Variants in NT5DC1 observed in about 807,000 individuals in gnomAD.
NT5DC1 encodes 5'-nucleotidase domain containing 1.
A neutral mutation model predicts 59.4 loss-of-function variants in NT5DC1; 42 were observed. The ratio of observed to expected loss-of-function variants is 0.71; its 90% CI spans 0.55 to 0.92. The LOEUF is 0.92. NT5DC1 is among the 40% of genes least tolerant of loss of function. The probability of loss-of-function intolerance (pLI) is 0.00; values close to 1 mark genes in which losing one functional copy is unlikely to be tolerated. For missense variants in NT5DC1, 501 were observed against 537.1 expected, an observed-to-expected ratio of 0.93 and a Z score of 0.66; for synonymous variants, 172 against 188.1, an observed-to-expected ratio of 0.91 and a Z score of 0.70.
intron 6 of NT5DC1, among the ~76,000 whole-genome samples, chr6:116,150,178 A>T (rs1780002999): frequency 6.6e-6 from 1 of 152,172 alleles, no homozygotes. Flanking sequence ...GACCAATTAG[A>T]TGTATGTTTT....
At chr6:116,107,273 T>G (rs191131186) in intron 2 of NT5DC1, among the ~76,000 whole-genome samples, 20 of 149,464 alleles carry the variant, frequency 1.3e-4, no homozygotes, top group Non-Finnish European at 2.7e-4. Context: ...TCTTTTTTGA[T>G]GTAACATTTT....
intron 6 of NT5DC1, among the ~76,000 whole-genome samples, chr6:116,122,693 C>T (rs1779169151): frequency 6.6e-6 from 1 of 152,054 alleles, no homozygotes; most frequent in South Asian, 2.1e-4. Flanking sequence ...GGCTGGGCCA[C>T]AAGTATGGGG....
chr6:116,234,347 GTTGT>G (rs1181569415), intron 8 of NT5DC1, among the ~76,000 whole-genome samples: 5 of 152,018 alleles, frequency 3.3e-5, no homozygotes, highest in Non-Finnish European at 7.4e-5. Flanking sequence ...TGGGGTGGGG[GTTGT>G]TTGTTTTTAG....
chr6:116,200,640 G>GT (rs1663404861), intron 6 of NT5DC1, among the ~76,000 whole-genome samples: 1 of 151,908 alleles, frequency 6.6e-6, no homozygotes, highest in Non-Finnish European at 1.5e-5. Context: ...TCGAGCTCTG[G>GT]TATATAATTC....
At chr6:116,195,649 C>T (rs990911503) in intron 6 of NT5DC1, among the ~76,000 whole-genome samples, 18 of 152,116 alleles carry the variant, frequency 1.2e-4, no homozygotes, top group African/African-American at 4.3e-4. Context: ...GCTATCAGAA[C>T]AGCTTTTAAA....
intron 6 of NT5DC1, among the ~76,000 whole-genome samples, chr6:116,161,312 G>GC (rs1286992264): frequency 6.6e-6 from 1 of 151,586 alleles, no homozygotes; most frequent in East Asian, 1.9e-4. Context: ...TGCACATTGT[G>GC]CACATGTACC....
chr6:116,103,879 T>C (rs2114895960), intron 1 of NT5DC1, among the ~76,000 whole-genome samples: 1 of 152,192 alleles, frequency 6.6e-6, no homozygotes, highest in South Asian at 2.1e-4. Flanking sequence ...TCCCAAATAT[T>C]GCATGCTTAT....
chr6:116,108,222 T>C (rs183046072), intron 2 of NT5DC1, 142 bp from the exon 3 acceptor site: 7 of 631,506 alleles, frequency 1.1e-5, no homozygotes, highest in African/African-American at 1.1e-4. Flanking sequence ...TTCTTAGATA[T>C]TCTTAATTGT....
chr6:116,239,493 A>T (rs1782183904), intron 11 of NT5DC1, among the ~76,000 whole-genome samples: 1 of 152,186 alleles, frequency 6.6e-6, no homozygotes, highest in Admixed American at 6.5e-5. Context: ...TAACTTCATG[A>T]ATCTACAGGA....
intron 11 of NT5DC1, 101 bp downstream of exon 11, chr6:116,239,224 G>C (rs1782180216): frequency 1.1e-6 from 1 of 906,004 alleles, no homozygotes; most frequent in Non-Finnish European, 1.7e-6. Flanking sequence ...CCACAACATT[G>C]ATTTATCTTT....
rs74695280 is a variant in NT5DC1, at chr6:116,164,256, T to A, written c.529+46311T>A. On this transcript the variant is annotated intron_variant, in intron 6 of 11. Coordinates refer to ENST00000319550, the MANE Select transcript of NT5DC1 (RefSeq NM_152729.3). The stretch of plus-strand genomic sequence containing the variant: ...TTAGGTGTAGTAGTACTTTTATAAA[T>A]CTGGGTGCTCTGGTGTTGGGTAATG... Among the ~76,000 whole-genome samples, 866 of 152,330 alleles carry A rather than the reference T, an allele frequency of 5.7e-3. 17 individuals are homozygous for A. The highest frequency in any genetic ancestry group is 0.046 in the South Asian group (222 of 4,828).
At chr6:116,116,620 C>T (rs1045286573) in intron 5 of NT5DC1, among the ~76,000 whole-genome samples, 10 of 152,008 alleles carry the variant, frequency 6.6e-5, no homozygotes, top group Non-Finnish European at 1.0e-4. Flanking sequence ...CTAGCCTGGG[C>T]GACATAGCAA....
chr6:116,174,365 A>G (rs972661956), intron 6 of NT5DC1, among the ~76,000 whole-genome samples: 1 of 152,136 alleles, frequency 6.6e-6, no homozygotes, highest in African/African-American at 2.4e-5. Context: ...TAGACATACC[A>G]TTTTGACCTT....
At chr6:116,102,103 A>T (rs950909797) in intron 1 of NT5DC1, among the ~76,000 whole-genome samples, 11 of 152,248 alleles carry the variant, frequency 7.2e-5, no homozygotes, top group African/African-American at 2.7e-4. Flanking sequence ...CTTGGCAAAG[A>T]CAAGTGTTTG....
intron 5 of NT5DC1, among the ~76,000 whole-genome samples, chr6:116,116,649 TAA>T (rs1218252849): frequency 6.6e-6 from 1 of 151,882 alleles, no homozygotes; most frequent in Non-Finnish European, 1.5e-5. Flanking sequence ...CTCAAAATAA[TAA>T]TAATAATTAC....
At chr6:116,221,890 T>A (rs1041577053) in intron 7 of NT5DC1, among the ~76,000 whole-genome samples, 1 of 152,156 alleles carries the variant, frequency 6.6e-6, no homozygotes, top group African/African-American at 2.4e-5. Flanking sequence ...GTTGATAGAC[T>A]TCAGTGTGTA....
chr6:116,133,583 C>G (rs193167596), intron 6 of NT5DC1, among the ~76,000 whole-genome samples: 1 of 152,236 alleles, frequency 6.6e-6, no homozygotes, highest in Non-Finnish European at 1.5e-5. Context: ...ATCGTCAAAA[C>G]GGATACTTAT....
chr6:116,233,985 T>G (rs1249302714), intron 8 of NT5DC1, among the ~76,000 whole-genome samples: 1 of 148,880 alleles, frequency 6.7e-6, no homozygotes, highest in South Asian at 2.2e-4. Context: ...CTGTTTTTTT[T>G]TTTTTTTTTT....
At chr6:116,140,127 T>C (rs1165470897) in intron 6 of NT5DC1, among the ~76,000 whole-genome samples, 5 of 152,186 alleles carry the variant, frequency 3.3e-5, no homozygotes, top group African/African-American at 7.2e-5. Flanking sequence ...CGCCCTCCTA[T>C]GGACACCAAT....
Sources: allele counts gnomAD v4.1 joint callset (sites outside exome capture counted in the v4.1 genomes callset), GRCh38; gene constraint gnomAD v4.1.1; transcripts MANE v1.5; gene names NCBI Gene and HGNC (gene_info 2026-07-23, HGNC 2026-07-21).